ZFAT: variants seen among roughly 807,000 people sequenced by gnomAD.
ZFAT encodes the protein zinc finger and AT-hook domain containing, also known as zinc finger protein ZFAT.
ZFAT carries 64 observed loss-of-function variants against 117.7 expected under a neutral mutation model. The ratio of observed to expected loss-of-function variants is 0.54; its 90% CI spans 0.44 to 0.67. The LOEUF is 0.67. ZFAT is among the 30% of genes least tolerant of loss of function. The probability of loss-of-function intolerance (pLI) is 0.00; values close to 1 mark genes in which losing one functional copy is unlikely to be tolerated. For synonymous variants in ZFAT, 679 were observed against 615.0 expected, an observed-to-expected ratio of 1.10 and a Z score of -1.54; for missense variants, 1,433 against 1,584.5, an observed-to-expected ratio of 0.90 and a Z score of 1.62.
intron 11 of ZFAT, among the ~76,000 whole-genome samples, chr8:134,562,624 A>T (rs1824133134): frequency 6.6e-6 from 1 of 152,108 alleles, no homozygotes; most frequent in Non-Finnish European, 1.5e-5. Context: ...CTATAGTACC[A>T]CTCAATAGGG....
intron 7 of ZFAT, 92 bp downstream of exon 7, chr8:134,600,344 C>T (rs756103330): frequency 2.6e-6 from 3 of 1,146,332 alleles, no homozygotes; most frequent in South Asian, 1.2e-5. Flanking sequence ...TCAGGGCTGA[C>T]CTGCAGCAGA....
intron 1 of ZFAT, among the ~76,000 whole-genome samples, chr8:134,690,804 T>C (rs1362154526): frequency 6.6e-6 from 1 of 152,202 alleles, no homozygotes; most frequent in Non-Finnish European, 1.5e-5. Context: ...TCAGTTTTTA[T>C]TAGGAGAAAA....
At position 134,510,090 on chromosome 8, in the gene ZFAT, TG is replaced by T. The variant is rs560485775; in HGVS notation, c.3362-342del. ...CTCTGAGTCCTAACATGCGGACATG[TG>T]GCTGCCCTCGAAGCTGAACTCCTGG... On this transcript the variant is annotated intron_variant, in intron 14 of 15. Transcript: ENST00000377838. The T allele has an allele frequency of 1.8e-3, 847 of 463,744 alleles. 2 individuals are homozygous for T. Among genetic ancestry groups the T allele is most frequent in the Admixed American group, 5.1e-3 (220 of 42,800 alleles). The allele number at this position is 463,744 out of a possible 1,614,324, so 28.7% of individuals were successfully genotyped here. A position where few individuals can be genotyped will look rare whatever the true frequency, so the allele number is the denominator to read the frequency against.
chr8:134,513,234 G>C (rs1819993192), intron 13 of ZFAT, among the ~76,000 whole-genome samples: 2 of 138,608 alleles, frequency 1.4e-5, no homozygotes, highest in Non-Finnish European at 3.0e-5. Context: ...GTCTCGCTCT[G>C]TCACCCAGGC....
At chr8:134,479,267 C>T (rs527904605) in intron 15 of ZFAT, among the ~76,000 whole-genome samples, 4 of 152,318 alleles carry the variant, frequency 2.6e-5, no homozygotes, top group African/African-American at 4.8e-5. Context: ...CCCCAGGTGT[C>T]GTCCGTCCAG....
the ZFAT span, among the ~76,000 whole-genome samples, chr8:134,728,326 G>T: frequency 2.0e-5 from 3 of 152,042 alleles, no homozygotes; most frequent in South Asian, 4.2e-4. Context: ...AAATGGAATT[G>T]TGCAAAATAT....
At chr8:134,611,651 C>G (rs1158400135) in intron 3 of ZFAT, among the ~76,000 whole-genome samples, 2 of 152,314 alleles carry the variant, frequency 1.3e-5, no homozygotes, top group East Asian at 3.9e-4. Flanking sequence ...TGATGGCTCA[C>G]AGAGAGACTG....
the ZFAT span, among the ~76,000 whole-genome samples, chr8:134,757,484 G>T: frequency 1.3e-3 from 201 of 152,278 alleles, no homozygotes; most frequent in African/African-American, 4.5e-3. Flanking sequence ...TGAACTACTT[G>T]CTGGCCAGCT....
chr8:134,668,740 A>C (rs190475887), intron 1 of ZFAT, among the ~76,000 whole-genome samples: 44 of 152,384 alleles, frequency 2.9e-4, no homozygotes, highest in African/African-American at 9.9e-4. Context: ...GCAAGGGAAC[A>C]AAGCTGGACG....
At chr8:134,496,882 C>T (rs1176499119) in intron 15 of ZFAT, among the ~76,000 whole-genome samples, 2 of 152,200 alleles carry the variant, frequency 1.3e-5, no homozygotes, top group African/African-American at 2.4e-5. Context: ...TCCTAATTGC[C>T]CCCTCAGGGC....
At chr8:134,653,327 A>ATT (rs1831388616) in intron 2 of ZFAT, among the ~76,000 whole-genome samples, 6 of 137,552 alleles carry the variant, frequency 4.4e-5, no homozygotes, top group Non-Finnish European at 9.2e-5. Context: ...CCCAGGCTGG[A>ATT]GTGCAGTGGT....
At position 134,611,416 on chromosome 8, in the gene ZFAT, G is replaced by A. The variant is rs1365928565; in HGVS notation, c.449-761C>T. 9.2e-5 allele frequency among the ~76,000 whole-genome samples: 14 copies of A among 152,364 alleles called. No homozygotes were observed. The East Asian group carries it at 2.7e-3, about 29-fold the overall frequency. On this transcript the variant is annotated intron_variant, in intron 3 of 15. Coordinates refer to ENST00000377838, the MANE Select transcript of ZFAT (RefSeq NM_020863.4). ...AAACCAGTGCCCAAGTATCCCGTGT[G>A]GTGACAACTCCATAGGAAGCAGGGA...
chr8:134,649,490 T>C lies in ZFAT; in HGVS notation c.196+8071A>G, dbSNP rs184723717. Among the ~76,000 whole-genome samples the C allele has an allele frequency of 2.6e-5, 4 of 152,290 alleles. No individual in the cohort carries two copies. In the East Asian group the frequency reaches 7.7e-4, roughly 29 times the overall value. On this transcript the variant is annotated intron_variant, in intron 2 of 15. Transcript: ENST00000377838. ...AACTAATAAACAAGTTCACAAGATCTAATAAACAAGTCCAGCAAAATTGCA... is the reference window on the plus strand; with the variant it reads ...AACTAATAAACAAGTTCACAAGATCCAATAAACAAGTCCAGCAAAATTGCA...
chr8:134,593,508 C>A (rs1334158182), intron 7 of ZFAT, among the ~76,000 whole-genome samples: 4 of 152,142 alleles, frequency 2.6e-5, no homozygotes, highest in African/African-American at 9.7e-5. Flanking sequence ...GAGACCCATG[C>A]CTTAATGACG....
intron 13 of ZFAT, 111 bp from the exon 14 acceptor site, chr8:134,512,712 G>C (rs967938908): frequency 7.5e-7 from 1 of 1,338,046 alleles, no homozygotes; most frequent in Non-Finnish European, 1.0e-6. Flanking sequence ...GCAATACATT[G>C]CAACATCTCA....
chr8:134,727,294 T>G, the ZFAT span, among the ~76,000 whole-genome samples: 1 of 152,170 alleles, frequency 6.6e-6, no homozygotes, highest in South Asian at 2.1e-4. Flanking sequence ...GGTGGACACC[T>G]GAGAGAAAAG....
In ZFAT at chr8:134,637,072, A is replaced by C. The variant is rs113800257; in HGVS notation, c.448+389T>G. Among the ~76,000 whole-genome samples the C allele has an allele frequency of 9.9e-3, 1,508 of 152,320 alleles. 24 individuals are homozygous for C. The highest frequency in any genetic ancestry group is 0.034 in the African/African-American group (1,411 of 41,570). On this transcript the variant is annotated intron_variant, in intron 3 of 15. Coordinates refer to ENST00000377838, the MANE Select transcript of ZFAT (RefSeq NM_020863.4). ...AATGCCACCCAAACTGTGACACCAG[A>C]TTCACTCCTGACTTTCCATCAGAAT...
intron 2 of ZFAT, among the ~76,000 whole-genome samples, chr8:134,647,136 A>T (rs973380439): frequency 2.6e-5 from 4 of 152,102 alleles, no homozygotes; most frequent in Non-Finnish European, 4.4e-5. Context: ...ATACTAACAA[A>T]CCAAATTCAA....
At chr8:134,739,232 A>G in the ZFAT span, among the ~76,000 whole-genome samples, 1 of 152,156 alleles carries the variant, frequency 6.6e-6, no homozygotes, top group Non-Finnish European at 1.5e-5. Flanking sequence ...CCAGCCCAAA[A>G]GAAAAAACAA....
Sources: gnomAD v4.1 joint callset for allele counts (sites outside exome capture counted in the v4.1 genomes callset) on GRCh38, gnomAD v4.1.1 for gene constraint, MANE v1.5 for transcripts, NCBI Gene and HGNC (gene_info 2026-07-23, HGNC 2026-07-21) for gene names.